Variants in RB1CC1 observed in about 807,000 individuals in gnomAD.
The protein encoded by RB1CC1 is RB1 inducible coiled-coil 1, also known as RB1-inducible coiled-coil protein 1.
In RB1CC1, 46 loss-of-function variants were observed where a neutral mutation model predicts 177.5. That is an observed-to-expected ratio of 0.26 (90% CI 0.20 to 0.33). The LOEUF (loss-of-function observed/expected upper bound fraction) is 0.33, where lower values mean the gene tolerates loss of function less well. RB1CC1 is among the 10% of genes least tolerant of loss of function. RB1CC1 has a pLI of 1.00. For missense variants in RB1CC1, 1,703 were observed against 1,816.3 expected, an observed-to-expected ratio of 0.94 and a Z score of 1.13; for synonymous variants, 666 against 613.6, an observed-to-expected ratio of 1.09 and a Z score of -1.26.
intron 1 of RB1CC1, among the ~76,000 whole-genome samples, chr8:52,692,324 A>G (rs1435901157): frequency 6.6e-6 from 1 of 152,196 alleles, no homozygotes; most frequent in Admixed American, 6.5e-5. Flanking sequence ...TTCAGGGGGA[A>G]AAAAGCTACA....
In RB1CC1 at chr8:52,685,516, A is replaced by C. The variant is rs1357663406; in HGVS notation, c.-47T>G. ...GAGCTTATACCTCACCCTCTGATAC[A>C]GTTACTAGAAGAAACAAGAGAAGTG... is the stretch of plus-strand genomic sequence containing the variant. On this transcript the variant is annotated 5_prime_UTR_variant, in exon 3 of 24. Coordinates refer to ENST00000025008, the MANE Select transcript of RB1CC1 (RefSeq NM_014781.5). The C allele has an allele frequency of 3.4e-6, 4 of 1,159,542 alleles. No homozygotes were observed. Among genetic ancestry groups the C allele is most frequent in the East Asian group, 2.4e-5 (1 of 42,162 alleles). The allele number at this position is 1,159,542 out of a possible 1,614,324, so 71.8% of individuals were successfully genotyped here. A position where few individuals can be genotyped will look rare whatever the true frequency, so the allele number is the denominator to read the frequency against.
chr8:52,709,477 G>A (rs1230913859), intron 1 of RB1CC1, among the ~76,000 whole-genome samples: 1 of 151,964 alleles, frequency 6.6e-6, no homozygotes, highest in Non-Finnish European at 1.5e-5. Flanking sequence ...AGTGGCTCCT[G>A]CCTGTAATCC....
At chr8:52,712,408 CAA>C (rs143171207) in intron 1 of RB1CC1, among the ~76,000 whole-genome samples, 1 of 143,532 alleles carries the variant, frequency 7.0e-6, no homozygotes, top group East Asian at 2.1e-4. Flanking sequence ...ATTTCGAAAA[CAA>C]AAGTCTTGTG....
At chr8:52,675,075 T>C (rs1426583205) in intron 6 of RB1CC1, among the ~76,000 whole-genome samples, 2 of 152,148 alleles carry the variant, frequency 1.3e-5, no homozygotes, top group Non-Finnish European at 2.9e-5. Context: ...TATAAAATGA[T>C]GTGCAATATG....
intron 15 of RB1CC1, among the ~76,000 whole-genome samples, chr8:52,649,840 C>G (rs1018113343): frequency 7.9e-5 from 12 of 152,120 alleles, no homozygotes; most frequent in African/African-American, 2.9e-4. Context: ...AAAGCTTTCT[C>G]CTATATTTTC....
At chr8:52,671,350 G>T (rs1179163228) in intron 7 of RB1CC1, among the ~76,000 whole-genome samples, 1 of 152,018 alleles carries the variant, frequency 6.6e-6, no homozygotes, top group Non-Finnish European at 1.5e-5. Flanking sequence ...TTCCTTTTAC[G>T]GAAAAAAAAT....
chr8:52,672,401 G>A (rs532329865), intron 7 of RB1CC1, among the ~76,000 whole-genome samples: 11 of 152,068 alleles, frequency 7.2e-5, no homozygotes, highest in East Asian at 3.9e-4. Context: ...TTTCAGGTTC[G>A]CTTCATATAT....
At position 52,679,423 on chromosome 8, in the gene RB1CC1, G is replaced by T. The variant is rs557760174; in HGVS notation, c.370-2852C>A. ...TGCTTCCTCTGTCTTACTGTTTATT[G>T]TTTATGTAAAAATGCAGATGCACTG... On this transcript the variant is annotated intron_variant, in intron 5 of 23. Transcript: ENST00000025008. Among the ~76,000 whole-genome samples, 3 of 152,260 alleles carry T rather than the reference G, an allele frequency of 2.0e-5. No homozygotes were observed. The South Asian group carries it at 6.2e-4, about 32-fold the overall frequency.
intron 8 of RB1CC1, among the ~76,000 whole-genome samples, chr8:52,665,536 G>A (rs1851991852): frequency 6.6e-6 from 1 of 152,142 alleles, no homozygotes; most frequent in Non-Finnish European, 1.5e-5. Context: ...TGGAAAAACT[G>A]AAACAAACTA....
chr8:52,660,033 TG>T (rs1364346356), intron 12 of RB1CC1, among the ~76,000 whole-genome samples: 1 of 152,196 alleles, frequency 6.6e-6, no homozygotes, highest in African/African-American at 2.4e-5. Context: ...GTACATCTGA[TG>T]GGGGTAAAAG....
At position 52,653,580 on chromosome 8, in the gene RB1CC1, G is replaced by C. The variant is rs567567642; in HGVS notation, c.3821+2428C>G. Among the ~76,000 whole-genome samples, 7 of 152,236 alleles carry C rather than the reference G, an allele frequency of 4.6e-5. No individual in the cohort carries two copies. In the South Asian group the frequency reaches 1.5e-3, roughly 32 times the overall value. ...CCCAAACACTGGCTCTGAGAAGACT[G>C]AAGTGACTGTGGTCCACTAGGAGGA... On this transcript the variant is annotated intron_variant, in intron 15 of 23. Coordinates refer to ENST00000025008, the MANE Select transcript of RB1CC1 (RefSeq NM_014781.5).
intron 7 of RB1CC1, among the ~76,000 whole-genome samples, chr8:52,669,954 T>C (rs922560922): frequency 6.0e-5 from 9 of 151,182 alleles, no homozygotes; most frequent in African/African-American, 2.2e-4. Flanking sequence ...CACAACTTCC[T>C]AAAAAAAATT....
At chr8:52,677,189 T>TA (rs747421794) in intron 5 of RB1CC1, among the ~76,000 whole-genome samples, 2 of 152,118 alleles carry the variant, frequency 1.3e-5, no homozygotes, top group African/African-American at 2.4e-5. Context: ...GGCAAGGAAA[T>TA]AAGACAGATC....
chr8:52,697,376 T>C (rs775895111), intron 1 of RB1CC1, among the ~76,000 whole-genome samples: 2 of 152,108 alleles, frequency 1.3e-5, no homozygotes, highest in Non-Finnish European at 2.9e-5. Context: ...ATGTGTGAAT[T>C]TGTTCAGATC....
chr8:52,680,987 TGTG>T (rs1230460265), intron 5 of RB1CC1, among the ~76,000 whole-genome samples: 5 of 125,004 alleles, frequency 4.0e-5, no homozygotes, highest in African/African-American at 1.8e-4. Flanking sequence ...TGTGTGTGTG[TGTG>T]TGTGTTTTTT....
chr8:52,698,329 CT>C (rs34458135), intron 1 of RB1CC1, among the ~76,000 whole-genome samples: 155 of 146,126 alleles, frequency 1.1e-3, no homozygotes, highest in Admixed American at 1.4e-3. Context: ...GAGAGAATAA[CT>C]TTTTTTTTTT....
At chr8:52,647,864 T>TA (rs1590960279) in intron 15 of RB1CC1, among the ~76,000 whole-genome samples, 2 of 152,168 alleles carry the variant, frequency 1.3e-5, no homozygotes, top group East Asian at 3.9e-4. Context: ...AGGATATTAG[T>TA]AAGAAATGTG....
chr8:52,691,288 T>A (rs1050116894), intron 1 of RB1CC1, among the ~76,000 whole-genome samples: 3 of 152,136 alleles, frequency 2.0e-5, no homozygotes, highest in Non-Finnish European at 4.4e-5. Flanking sequence ...TTAAAGCAAA[T>A]TGAGGGAAAC....
chr8:52,706,946 G>C lies in RB1CC1; in HGVS notation c.-167+7129C>G, dbSNP rs183069823. On this transcript the variant is annotated intron_variant, in intron 1 of 23. Transcript: ENST00000025008. ...CAAAGTTCTGGGAATACAGGCATGA[G>C]TCACCACGCCCCAATTGTTATCTTT... Among the ~76,000 whole-genome samples, 131 of 152,188 alleles carry C rather than the reference G, an allele frequency of 8.6e-4. 1 individual carries two copies. The highest frequency in any genetic ancestry group is 3.0e-3 in the African/African-American group (123 of 41,544).
Sources: gnomAD v4.1 joint callset for allele counts (sites outside exome capture counted in the v4.1 genomes callset) on GRCh38, gnomAD v4.1.1 for gene constraint, MANE v1.5 for transcripts, NCBI Gene and HGNC (gene_info 2026-07-23, HGNC 2026-07-21) for gene names.